PCDHGB2: variants seen among roughly 807,000 people sequenced by gnomAD.
PCDHGB2 encodes protocadherin gamma-B2.
A neutral mutation model predicts 59.3 loss-of-function variants in PCDHGB2; 55 were observed. The ratio of observed to expected loss-of-function variants is 0.93; its 90% confidence interval spans 0.75 to 1.16. The LOEUF is 1.16. Ranked by LOEUF, PCDHGB2 falls within the 50% of genes most tolerant of loss-of-function variation. PCDHGB2 has a pLI of 0.00. For missense variants in PCDHGB2, 1,228 were observed against 1,198.5 expected, an observed-to-expected ratio of 1.02 and a Z score of -0.36; for synonymous variants, 516 against 512.0, an observed-to-expected ratio of 1.01 and a Z score of -0.11.
At chr5:141,405,795 G>T (rs2094718009) in intron 1 of PCDHGB2, among the ~76,000 whole-genome samples, 1 of 149,108 alleles carries the variant, frequency 6.7e-6, no homozygotes, top group African/African-American at 2.4e-5. Context: ...TTCTATTATA[G>T]TTAGCTTTCT....
At chr5:141,364,174 C>T in intron 1 of PCDHGB2, 6 of 816,492 alleles carry the variant, frequency 7.3e-6, no homozygotes, top group Non-Finnish European at 1.1e-5. Flanking sequence ...CCCGACTCTG[C>T]TCCCTCCATA....
At chr5:141,366,851 G>T in intron 1 of PCDHGB2, 2 of 1,439,646 alleles carry the variant, frequency 1.4e-6, no homozygotes, top group Non-Finnish European at 1.9e-6. Context: ...GTAAATAGTG[G>T]AACATTATTT....
At chr5:141,395,359 G>T in intron 1 of PCDHGB2, 2 of 1,289,368 alleles carry the variant, frequency 1.6e-6, no homozygotes, top group East Asian at 5.1e-5. Flanking sequence ...CAGAGTTTTG[G>T]GTTTATTTTG....
chr5:141,502,282 C>A (rs187281689), intron 2 of PCDHGB2, among the ~76,000 whole-genome samples: 1 of 151,848 alleles, frequency 6.6e-6, no homozygotes, highest in Non-Finnish European at 1.5e-5. Flanking sequence ...GCATAGATTG[C>A]ATTTGGTTGT....
At chr5:141,419,431 G>A in intron 1 of PCDHGB2, 2 of 1,613,306 alleles carry the variant, frequency 1.2e-6, no homozygotes. Context: ...ACCACGAGCA[G>A]CTGCGCACCT....
intron 1 of PCDHGB2, chr5:141,393,090 G>T: frequency 6.2e-7 from 1 of 1,613,626 alleles, no homozygotes; most frequent in South Asian, 1.1e-5. Flanking sequence ...GATAGATCGG[G>T]AGGAGCTCTG....
At chr5:141,500,227 G>T (rs959087347) in intron 2 of PCDHGB2, among the ~76,000 whole-genome samples, 15 of 116,224 alleles carry the variant, frequency 1.3e-4, no homozygotes, top group African/African-American at 2.9e-4. Context: ...TTTATTTATT[G>T]ATACGTAGCC....
At chr5:141,408,929 A>G in intron 1 of PCDHGB2, 1 of 1,613,518 alleles carries the variant, frequency 6.2e-7, no homozygotes, top group Non-Finnish European at 8.5e-7. Context: ...CCCGGTTTTC[A>G]GCAGAGACGA....
intron 1 of PCDHGB2, chr5:141,399,810 C>T (rs148150333): frequency 3.9e-5 from 63 of 1,613,194 alleles, no homozygotes; most frequent in Non-Finnish European, 4.9e-5. Flanking sequence ...TGCTGTACCC[C>T]GCGCTGGGTC....
rs376819906 is a variant in PCDHGB2 at position 141,418,227 on chromosome 5, T to C, written c.2421+55671T>C. On this transcript the variant is annotated intron_variant, in intron 1 of 3. Transcript: ENST00000522605. ...AATATTTTTCATGTCATTGTGGTGA[T>C]TGAGGATGTTAATGACCACGCCCCT... The C allele has an allele frequency of 6.8e-6, 11 of 1,613,856 alleles. No homozygotes were observed. In the South Asian group the frequency reaches 7.7e-5, roughly 11 times the overall value.
rs1019219811 is a variant in PCDHGB2, at chr5:141,420,399, T to G, written c.2421+57843T>G. ...AGAGTTCGCAAAATATAGGTCAAAT[T>G]TATGGTTATCATTATTAAAACAAAA... On this transcript the variant is annotated intron_variant, in intron 1 of 3. Transcript: ENST00000522605. 5.6e-6 allele frequency: 7 copies of G among 1,257,080 alleles called. No individual in the cohort carries two copies. In the Admixed American group the frequency reaches 1.8e-4, roughly 32 times the overall value. 77.9% of individuals were successfully genotyped at this position (1,257,080 alleles called of 1,614,324 possible).
At chr5:141,372,270 G>A in intron 1 of PCDHGB2, 1 of 1,613,182 alleles carries the variant, frequency 6.2e-7, no homozygotes, top group African/African-American at 1.3e-5. Flanking sequence ...CACGGGTGAG[G>A]TGCGCACGGC....
chr5:141,471,046 C>CTTTT (rs1170588345), intron 1 of PCDHGB2, among the ~76,000 whole-genome samples: 3 of 113,278 alleles, frequency 2.6e-5, no homozygotes, highest in African/African-American at 7.1e-5. Flanking sequence ...CCCAAGCCCT[C>CTTTT]TTTTTTTTTT....
intron 1 of PCDHGB2, chr5:141,372,116 C>T: frequency 6.2e-7 from 1 of 1,613,806 alleles, no homozygotes; most frequent in Non-Finnish European, 8.5e-7. Context: ...GCTCTGCGCT[C>T]TTCGATATGG....
intron 1 of PCDHGB2, among the ~76,000 whole-genome samples, chr5:141,453,288 ATTATTTATTTAT>A (rs577328880): frequency 6.6e-6 from 1 of 151,342 alleles, no homozygotes; most frequent in African/African-American, 2.4e-5. Context: ...TAATTTTTTA[ATTATTTATTTAT>A]TTATTTATTT....
chr5:141,405,390 T>C (rs1561700240), intron 1 of PCDHGB2: 1 of 1,600,118 alleles, frequency 6.2e-7, no homozygotes, highest in South Asian at 1.1e-5. Context: ...AGTTCATTTT[T>C]TTTCTTTCTT....
At chr5:141,494,569 T>G (rs1341706026) in intron 1 of PCDHGB2, among the ~76,000 whole-genome samples, 2 of 152,190 alleles carry the variant, frequency 1.3e-5, no homozygotes, top group Non-Finnish European at 2.9e-5. Flanking sequence ...GAAAGGAGTC[T>G]CAGCTTGCTC....
chr5:141,409,038 A>G (rs571756448), intron 1 of PCDHGB2: 9 of 1,614,026 alleles, frequency 5.6e-6, no homozygotes, highest in Non-Finnish European at 7.6e-6. Flanking sequence ...GAGATAAACT[A>G]CTACTTCCGA....
intron 1 of PCDHGB2, among the ~76,000 whole-genome samples, chr5:141,401,503 C>T (rs755118621): frequency 6.6e-6 from 1 of 151,946 alleles, no homozygotes; most frequent in Non-Finnish European, 1.5e-5. Context: ...AATCCTTTTC[C>T]ACCTCTATAT....
Sources: allele counts gnomAD v4.1 joint callset (sites outside exome capture counted in the v4.1 genomes callset), GRCh38; gene constraint gnomAD v4.1.1; transcripts MANE v1.5; gene names NCBI Gene and HGNC (gene_info 2026-07-23, HGNC 2026-07-21).